Variants in MCMBP observed in about 807,000 individuals in gnomAD.
MCMBP encodes the protein minichromosome maintenance complex binding protein, also known as mini-chromosome maintenance complex-binding protein.
In MCMBP, 31 loss-of-function variants were observed where a neutral mutation model predicts 81.3. The ratio of observed to expected loss-of-function variants is 0.38; its 90% CI spans 0.29 to 0.51. The LOEUF is 0.51. Ranked by LOEUF, MCMBP falls within the 20% of genes least tolerant of loss-of-function variation. MCMBP has a pLI of 0.87. For synonymous variants in MCMBP, 267 were observed against 275.9 expected (o/e 0.97, Z 0.32); for missense variants, 645 against 772.1 (o/e 0.84, Z 1.95).
chr10:119,838,372 T>C (rs1338933680), intron 12 of MCMBP, among the ~76,000 whole-genome samples, 163 bp downstream of exon 12: 1 of 151,636 alleles, frequency 6.6e-6, no homozygotes, highest in African/African-American at 2.4e-5. Flanking sequence ...TTGGTGTATA[T>C]AATTAGTTTA....
rs1853486428 is a variant in MCMBP, at chr10:119,867,075, G to A, written c.58+5452C>T. 3.3e-5 allele frequency among the ~76,000 whole-genome samples: 5 copies of A among 151,928 alleles called. No individual in the cohort carries two copies. The South Asian group carries it at 8.3e-4, about 25-fold the overall frequency. The stretch of plus-strand genomic sequence containing the variant: ...TGGGAGGCCGAGGGTGGTGGATCAC[G>A]AGGGCAGAGGAGGTCGAGACCATCC... On this transcript the variant is annotated intron_variant, in intron 1 of 15. Transcript: ENST00000369077.
chr10:119,846,057 T>C (rs1852607817), intron 8 of MCMBP, among the ~76,000 whole-genome samples: 1 of 152,218 alleles, frequency 6.6e-6, no homozygotes, highest in Non-Finnish European at 1.5e-5. Context: ...ATCCTAGCTC[T>C]GTCTACTTTA....
chr10:119,863,330 G>A (rs1853328522), intron 1 of MCMBP, among the ~76,000 whole-genome samples: 1 of 152,170 alleles, frequency 6.6e-6, no homozygotes, highest in Non-Finnish European at 1.5e-5. Flanking sequence ...TATAAAATAT[G>A]AGGTAAAGGT....
intron 1 of MCMBP, among the ~76,000 whole-genome samples, chr10:119,862,461 A>G (rs1237322444): frequency 2.0e-5 from 3 of 152,232 alleles, no homozygotes; most frequent in African/African-American, 4.8e-5. Flanking sequence ...AGTGAATCAT[A>G]TAAGTCCTAG....
At chr10:119,863,288 T>C (rs1258679433) in intron 1 of MCMBP, among the ~76,000 whole-genome samples, 4 of 152,200 alleles carry the variant, frequency 2.6e-5, no homozygotes, top group Non-Finnish European at 5.9e-5. Context: ...GGTTTTATAC[T>C]CAGATGTATG....
chr10:119,859,138 T>C lies in MCMBP; in HGVS notation c.188A>G (p.Asn63Ser), dbSNP rs1853155826. The change falls in exon 3 of 16, where the codon AAT (asparagine) becomes AGT (serine). Residue 63 changes from asparagine (N) to serine (S), a missense_variant. Asn to Ser is a conservative substitution (Grantham distance 46, BLOSUM62 1). Coordinates refer to ENST00000369077, the MANE Select transcript of MCMBP (RefSeq NM_001256378.2). Reference sequence around the variant, plus strand: ...CATGCAACGAAATTTCACAAAACTATTAGGTTTCAAATAATGAAGGGGAAC... The same window carrying C: ...CATGCAACGAAATTTCACAAAACTACTAGGTTTCAAATAATGAAGGGGAAC... ...NEVPLHYLKP[N>S]SFVKFRCMIQ... is the part of the protein sequence containing the mutation. 1 of 1,613,754 alleles carries C rather than the reference T, an allele frequency of 6.2e-7. No individual in the cohort carries two copies. Among genetic ancestry groups the C allele is most frequent in the Admixed American group, 1.7e-5 (1 of 59,974 alleles).
In MCMBP at chr10:119,832,036, A is replaced by G. The variant is rs1048773154; in HGVS notation, c.1772T>C (p.Leu591Pro). The change falls in exon 15 of 16, where the codon CTT becomes CCT. Residue 591 changes from leucine to proline, a missense_variant. Coordinates refer to ENST00000369077, the MANE Select transcript of MCMBP (RefSeq NM_001256378.2). ...CCGAGCCACCACGAGCAGCTGGTGA[A>G]GATCATCAGCAGTGATGCTCTGAGG... ...NDPQSITADD[L>P]HQLLVVARCL... 3.7e-6 allele frequency: 6 copies of G among 1,612,686 alleles called. No individual in the cohort carries two copies. The highest frequency in any genetic ancestry group is 4.2e-6 in the Non-Finnish European group (5 of 1,179,608).
chr10:119,842,957 T>A, intron 9 of MCMBP: 1 of 385,938 alleles, frequency 2.6e-6, no homozygotes, highest in African/African-American at 2.1e-5. Context: ...TTCACTATAT[T>A]GGCCAGGCTA....
Position 119,832,021 on chromosome 10 carries a change from A to G in MCMBP, c.1787T>C (p.Val596Ala). The stretch of plus-strand genomic sequence containing the variant: ...GACGTGCGCCACTTACCGAGCCACC[A>G]CGAGCAGCTGGTGAAGATCATCAGC... Reference protein sequence around the residue: ...ITADDLHQLLVVARCLSLSAG... With the variant: ...ITADDLHQLLAVARCLSLSAG... The change falls in exon 15 of 16, where the codon GTG becomes GCG. Residue 596 changes from valine (V) to alanine (A), a missense_variant. Transcript: ENST00000369077. The G allele has an allele frequency of 6.2e-7, 1 of 1,611,484 alleles. No individual in the cohort carries two copies. The highest frequency in any genetic ancestry group is 8.5e-7 in the Non-Finnish European group (1 of 1,179,224).
At chr10:119,838,016 A>G (rs1240074317) in intron 12 of MCMBP, among the ~76,000 whole-genome samples, 1 of 151,822 alleles carries the variant, frequency 6.6e-6, no homozygotes, top group Non-Finnish European at 1.5e-5. Context: ...ACCATTCCTT[A>G]CACTCACTGA....
rs1406441610 is a variant in MCMBP, at chr10:119,830,441, A to C, written c.*1033T>G. ...AGTAGCAGATGTTAGCTGATCTAACATACTTGGAACCAACTGATGATCCCA... is the reference window on the plus strand; with the variant it reads ...AGTAGCAGATGTTAGCTGATCTAACCTACTTGGAACCAACTGATGATCCCA... On this transcript the variant is annotated 3_prime_UTR_variant, in exon 16 of 16. Transcript: ENST00000369077. 2 of 152,266 alleles carry C rather than the reference A, an allele frequency of 1.3e-5. No homozygotes were observed. The highest frequency in any genetic ancestry group is 2.9e-5 in the Non-Finnish European group (2 of 68,048). 9.4% of individuals were successfully genotyped at this position (152,266 alleles called of 1,614,324 possible). A position where few individuals can be genotyped will look rare whatever the true frequency, so the allele number is the denominator to read the frequency against.
intron 10 of MCMBP, among the ~76,000 whole-genome samples, chr10:119,841,297 C>A (rs1042437171): frequency 3.9e-5 from 6 of 152,186 alleles, no homozygotes; most frequent in African/African-American, 1.4e-4. Flanking sequence ...TGGAAGCTGA[C>A]AGAGCTGGGA....
intron 10 of MCMBP, among the ~76,000 whole-genome samples, chr10:119,841,284 A>C (rs1045753896): frequency 1.4e-4 from 22 of 152,254 alleles, no homozygotes; most frequent in African/African-American, 4.3e-4. Context: ...ATGTTCATCT[A>C]AATGGAAGCT....
At chr10:119,844,995 C>A (rs1852567943) in intron 8 of MCMBP, among the ~76,000 whole-genome samples, 2 of 152,158 alleles carry the variant, frequency 1.3e-5, no homozygotes, top group African/African-American at 4.8e-5. Flanking sequence ...TGGGATTTTA[C>A]CTTGTGATCA....
At chr10:119,848,708 C>A (rs1852706805) in intron 7 of MCMBP, among the ~76,000 whole-genome samples, 1 of 152,176 alleles carries the variant, frequency 6.6e-6, no homozygotes, top group Non-Finnish European at 1.5e-5. Flanking sequence ...AACCTTCTAT[C>A]ACTTGCTCAT....
chr10:119,859,244 T>C (rs1009004565), intron 2 of MCMBP, 63 bp from the exon 3 acceptor site: 11 of 1,482,168 alleles, frequency 7.4e-6, no homozygotes, highest in Middle Eastern at 2.4e-4. Context: ...TAAGCATATA[T>C]ACACAAACTT....
chr10:119,834,969 T>TG (rs1363493480), intron 14 of MCMBP, among the ~76,000 whole-genome samples: 1 of 149,962 alleles, frequency 6.7e-6, no homozygotes, highest in Non-Finnish European at 1.5e-5. Context: ...GACAGTAACA[T>TG]GAACCCACAT....
At position 119,838,015 on chromosome 10, in the gene MCMBP, T is replaced by TAC. The variant is rs1339831016; in HGVS notation, c.1408+518_1408+519dup. On this transcript the variant is annotated intron_variant, in intron 12 of 15. Transcript: ENST00000369077. Reference sequence around the variant, plus strand: ...GCGAGACCCTGTCTCTACCATTCCTTACACTCACTGAAAAAAAAATTTTAG... The same window carrying TAC: ...GCGAGACCCTGTCTCTACCATTCCTTACACACTCACTGAAAAAAAAATTTTAG... Among the ~76,000 whole-genome samples, 7 of 151,778 alleles carry TAC rather than the reference T, an allele frequency of 4.6e-5. No homozygotes were observed. The East Asian group carries it at 1.2e-3, about 25-fold the overall frequency.
At chr10:119,869,571 C>A (rs1207870585) in intron 1 of MCMBP, among the ~76,000 whole-genome samples, 104 of 141,612 alleles carry the variant, frequency 7.3e-4, no homozygotes, top group Non-Finnish European at 7.1e-4. Flanking sequence ...GACTCAGTCT[C>A]AAAAAAAAAA....
Sources: allele counts gnomAD v4.1 joint callset (sites outside exome capture counted in the v4.1 genomes callset), GRCh38; gene constraint gnomAD v4.1.1; transcripts MANE v1.5; gene names NCBI Gene and HGNC (gene_info 2026-07-23, HGNC 2026-07-21).